Variants in PCDH15 observed in about 807,000 individuals in gnomAD.
The protein encoded by PCDH15 is protocadherin related 15, also known as protocadherin-15.
In PCDH15, 129 loss-of-function variants were observed where a neutral mutation model predicts 178.5. The ratio of observed to expected loss-of-function variants is 0.72; its 90% CI spans 0.63 to 0.84. The LOEUF is 0.84. PCDH15 is among the 40% of genes least tolerant of loss of function. The probability of loss-of-function intolerance (pLI) is 0.00; values close to 1 mark genes in which losing one functional copy is unlikely to be tolerated. For missense variants in PCDH15, 2,230 were observed against 2,099.9 expected, an observed-to-expected ratio of 1.06 and a Z score of -1.21; for synonymous variants, 800 against 732.0, an observed-to-expected ratio of 1.09 and a Z score of -1.50.
At chr10:53,881,851 A>C (rs1298230538) in intron 26 of PCDH15, among the ~76,000 whole-genome samples, 1 of 152,192 alleles carries the variant, frequency 6.6e-6, no homozygotes, top group Non-Finnish European at 1.5e-5. Context: ...ATATTGTGGA[A>C]GCATCCATGG....
At chr10:54,314,644 C>T (rs2061127376) in intron 8 of PCDH15, among the ~76,000 whole-genome samples, 1 of 152,026 alleles carries the variant, frequency 6.6e-6, no homozygotes, top group African/African-American at 2.4e-5. Flanking sequence ...AGTTAGTAAG[C>T]CCAGTACCCA....
At chr10:55,077,980 TC>T (rs1841950821) in intron 2 of PCDH15, among the ~76,000 whole-genome samples, 1 of 152,218 alleles carries the variant, frequency 6.6e-6, no homozygotes, top group Non-Finnish European at 1.5e-5. Context: ...GTTCAGAACT[TC>T]TTTCAGCATT....
rs146142093 is a variant in PCDH15 at position 54,899,319 on chromosome 10, A to C, written c.-79-1819T>G. Reference sequence around the variant, plus strand: ...TCAAATTTTATTATTTATCACAAGGATACAAAAGCAAATATCTATTTAAAT... The same window carrying C: ...TCAAATTTTATTATTTATCACAAGGCTACAAAAGCAAATATCTATTTAAAT... On this transcript the variant is annotated intron_variant, in intron 2 of 5. Transcript: ENST00000458638. 4.5e-4 allele frequency among the ~76,000 whole-genome samples: 68 copies of C among 152,232 alleles called. 1 individual carries two copies. Among genetic ancestry groups the C allele is most frequent in the African/African-American group, 1.5e-3 (63 of 41,548 alleles).
At chr10:54,907,937 A>G (rs1431598159) in intron 2 of PCDH15, among the ~76,000 whole-genome samples, 1 of 152,224 alleles carries the variant, frequency 6.6e-6, no homozygotes, top group African/African-American at 2.4e-5. Context: ...CTTTCTGAAG[A>G]AGTATGCTGT....
intron 2 of PCDH15, among the ~76,000 whole-genome samples, chr10:55,324,944 C>A (rs938836498): frequency 2.6e-5 from 4 of 151,956 alleles, no homozygotes; most frequent in Non-Finnish European, 5.9e-5. Context: ...ACCTGAGAGT[C>A]AAATCAAGAA....
intron 8 of PCDH15, among the ~76,000 whole-genome samples, chr10:54,303,278 G>T (rs2060252535): frequency 6.6e-6 from 1 of 151,808 alleles, no homozygotes; most frequent in Non-Finnish European, 1.5e-5. Flanking sequence ...AAAGAAAACT[G>T]CATATACAAT....
chr10:54,781,312 C>T (rs1950339235), intron 1 of PCDH15, among the ~76,000 whole-genome samples: 2 of 151,984 alleles, frequency 1.3e-5, no homozygotes, highest in Non-Finnish European at 2.9e-5. Flanking sequence ...TTATCCCTCC[C>T]CTAGCCCACC....
intron 1 of PCDH15, among the ~76,000 whole-genome samples, chr10:54,705,929 A>C (rs2095360976): frequency 6.6e-6 from 1 of 152,172 alleles, no homozygotes; most frequent in Non-Finnish European, 1.5e-5. Flanking sequence ...TCAACGGTAC[A>C]GTGAAACTTG....
At chr10:55,312,902 C>T (rs1220613234) in intron 1 of PCDH15, among the ~76,000 whole-genome samples, 1 of 152,172 alleles carries the variant, frequency 6.6e-6, no homozygotes, top group Non-Finnish European at 1.5e-5. Flanking sequence ...CAGGCGTAAG[C>T]CACTGCGCCC....
At position 53,806,578 on chromosome 10, in the gene PCDH15, G is replaced by A. The variant is rs780363244; in HGVS notation, c.*1C>T. 2 of 1,577,890 alleles carry A rather than the reference G, an allele frequency of 1.3e-6. No individual in the cohort carries two copies. Among genetic ancestry groups the A allele is most frequent in the African/African-American group, 2.7e-5 (2 of 73,638 alleles). On this transcript the variant is annotated 3_prime_UTR_variant, in exon 38 of 38. Transcript: ENST00000644397. ...AATTAAAATATCTTTTAAAAAATTG[G>A]TCACAGTTTTGTCATTGGTATATGG...
At chr10:54,623,639 C>T (rs931381901) in intron 2 of PCDH15, among the ~76,000 whole-genome samples, 27 of 151,934 alleles carry the variant, frequency 1.8e-4, no homozygotes, top group Non-Finnish European at 3.5e-4. Flanking sequence ...CTCTTCAAGC[C>T]GAGTCTCTTC....
intron 1 of PCDH15, among the ~76,000 whole-genome samples, chr10:54,776,670 ATAAAT>A (rs918910707): frequency 2.0e-4 from 30 of 152,352 alleles, no homozygotes; most frequent in African/African-American, 5.0e-4. Flanking sequence ...ATGCAAATAA[ATAAAT>A]TAAACAGTTG....
intron 2 of PCDH15, among the ~76,000 whole-genome samples, chr10:55,148,526 T>C (rs1396298436): frequency 6.6e-6 from 1 of 151,816 alleles, no homozygotes; most frequent in Non-Finnish European, 1.5e-5. Flanking sequence ...CAGGGAATGG[T>C]TGACCTTCTT....
intron 1 of PCDH15, among the ~76,000 whole-genome samples, chr10:54,771,207 C>T (rs144445381): frequency 6.6e-6 from 1 of 152,084 alleles, no homozygotes; most frequent in South Asian, 2.1e-4. Flanking sequence ...TTTGTTAACT[C>T]TATTTGAAGT....
chr10:54,540,476 G>T (rs921903661), intron 2 of PCDH15, among the ~76,000 whole-genome samples: 1 of 152,054 alleles, frequency 6.6e-6, no homozygotes, highest in Non-Finnish European at 1.5e-5. Flanking sequence ...TTAAAACCCT[G>T]AACAGACCAA....
chr10:54,098,353 T>TA (rs2094741247), intron 15 of PCDH15, among the ~76,000 whole-genome samples: 1 of 152,058 alleles, frequency 6.6e-6, no homozygotes, highest in Non-Finnish European at 1.5e-5. Flanking sequence ...TTATAATTAT[T>TA]AAAAAATTTG....
chr10:54,812,753 A>G (rs962449074), intron 3 of PCDH15, among the ~76,000 whole-genome samples: 1 of 152,054 alleles, frequency 6.6e-6, no homozygotes, highest in South Asian at 2.1e-4. Context: ...CACCACACCC[A>G]GCCTTTTTAA....
chr10:54,663,747 C>A (rs1474603348), intron 2 of PCDH15, among the ~76,000 whole-genome samples: 1 of 150,212 alleles, frequency 6.7e-6, no homozygotes, highest in African/African-American at 2.4e-5. Context: ...AAAGTGCCAA[C>A]ACCAAAACAA....
intron 13 of PCDH15, among the ~76,000 whole-genome samples, chr10:54,159,156 G>A (rs1378576751): frequency 1.3e-5 from 2 of 151,506 alleles, no homozygotes; most frequent in African/African-American, 4.9e-5. Flanking sequence ...ATGCATGAAT[G>A]TGTTGATCAT....
Sources: gnomAD v4.1 joint callset for allele counts (sites outside exome capture counted in the v4.1 genomes callset) on GRCh38, gnomAD v4.1.1 for gene constraint, MANE v1.5 for transcripts, NCBI Gene and HGNC (gene_info 2026-07-23, HGNC 2026-07-21) for gene names.